ZNF831: variants seen among roughly 807,000 people sequenced by gnomAD.
ZNF831 encodes chromosome 20 open reading frame 174.
Under a neutral mutation model 95.8 loss-of-function variants are expected in ZNF831, and 59 were observed. That is an observed-to-expected ratio of 0.62 (90% CI 0.50 to 0.77). The LOEUF is 0.77. ZNF831 is among the 30% of genes least tolerant of loss of function. The pLI is 0.00. For synonymous variants in ZNF831, 961 were observed against 925.5 expected (o/e 1.04, Z -0.70); for missense variants, 2,205 against 2,164.0 (o/e 1.02, Z -0.38).
At chr20:59,128,588 T>C (rs936850915) in intron 1 of ZNF831, among the ~76,000 whole-genome samples, 1 of 152,166 alleles carries the variant, frequency 6.6e-6, no homozygotes, top group Non-Finnish European at 1.5e-5. Flanking sequence ...GCAGACCACG[T>C]TGGCCCTTGC....
At chr20:59,221,660 T>C (rs1986081876) in intron 4 of ZNF831, among the ~76,000 whole-genome samples, 1 of 152,228 alleles carries the variant, frequency 6.6e-6, no homozygotes, top group African/African-American at 2.4e-5. Flanking sequence ...AGTTCATACG[T>C]TGAGGAAAAG....
At position 59,193,278 on chromosome 20, in the gene ZNF831, G is replaced by A. The variant is rs1479149663; in HGVS notation, c.2259G>A (p.Gly753=). 1 of 1,610,334 alleles carries A rather than the reference G, an allele frequency of 6.2e-7. No homozygotes were observed. Among genetic ancestry groups the A allele is most frequent in the Non-Finnish European group, 8.5e-7 (1 of 1,178,378 alleles). ...GGAGCCCCCTGGTCTCTCCAAATGG[G>A]AGGCTGGAACTGGGGTGGCAGATGC... ...GSRSPLVSPN[G]RLELGWQMPP... The change falls in exon 2 of 6, where the codon GGG becomes GGA. Residue 753 remains glycine (G), a synonymous_variant. Coordinates refer to ENST00000371030, the MANE Select transcript of ZNF831 (RefSeq NM_178457.3).
chr20:59,253,249 T>G, intron 5 of ZNF831, 111 bp downstream of exon 5: 3 of 1,205,244 alleles, frequency 2.5e-6, no homozygotes, highest in Non-Finnish European at 3.5e-6. Flanking sequence ...GATCACCTTA[T>G]GAAGATTCGT....
At chr20:59,198,603 A>G (rs562791856) in intron 3 of ZNF831, among the ~76,000 whole-genome samples, 32 of 152,294 alleles carry the variant, frequency 2.1e-4, no homozygotes, top group Non-Finnish European at 3.7e-4. Flanking sequence ...ACAAATCACG[A>G]CAAGAGCCCA....
chr20:59,130,892 A>G (rs376483091), intron 1 of ZNF831, among the ~76,000 whole-genome samples: 4 of 152,092 alleles, frequency 2.6e-5, no homozygotes, highest in South Asian at 2.1e-4. Context: ...GACTTTGACA[A>G]TGGCTGAGCT....
intron 1 of ZNF831, among the ~76,000 whole-genome samples, chr20:59,134,665 G>T (rs1311520098): frequency 6.6e-6 from 1 of 152,182 alleles, no homozygotes; most frequent in Non-Finnish European, 1.5e-5. Flanking sequence ...GTTCTCACAT[G>T]CTTGGCTCCC....
At chr20:59,134,810 C>T (rs574138739) in intron 1 of ZNF831, among the ~76,000 whole-genome samples, 3 of 152,278 alleles carry the variant, frequency 2.0e-5, no homozygotes, top group African/African-American at 4.8e-5. Flanking sequence ...TCTTACTAAC[C>T]GTACAATCTT....
In ZNF831 at chr20:59,182,290, A is replaced by G. The variant is rs547592390; in HGVS notation, c.-36-8694A>G. On this transcript the variant is annotated intron_variant, in intron 1 of 5. Coordinates refer to ENST00000371030, the MANE Select transcript of ZNF831 (RefSeq NM_178457.3). ...AAGGTAATACTGATGGGCTTGGGAA[A>G]AAGAAAAAGAGAAAATTAGCTGAAT... Among the ~76,000 whole-genome samples, 9 of 152,342 alleles carry G rather than the reference A, an allele frequency of 5.9e-5. No individual in the cohort carries two copies. The East Asian group carries it at 1.7e-3, about 29-fold the overall frequency.
At chr20:59,240,416 G>T (rs1177821156) in intron 4 of ZNF831, among the ~76,000 whole-genome samples, 1 of 152,130 alleles carries the variant, frequency 6.6e-6, no homozygotes, top group Non-Finnish European at 1.5e-5. Flanking sequence ...CTCAAAAATG[G>T]ACTTTCTAGG....
At chr20:59,134,320 G>C (rs6026716) in intron 1 of ZNF831, among the ~76,000 whole-genome samples, 49,135 of 152,054 alleles carry the variant, frequency 0.32, 8,919 homozygotes, top group East Asian at 0.48. Context: ...CTTGTCTCTT[G>C]TCTGTATTTC....
intron 4 of ZNF831, among the ~76,000 whole-genome samples, chr20:59,220,010 G>C (rs1454453712): frequency 6.6e-6 from 1 of 152,150 alleles, no homozygotes; most frequent in Non-Finnish European, 1.5e-5. Context: ...AGTTGAGAGA[G>C]AGAAAAGAGG....
rs2146769073 is a variant in ZNF831 at position 59,254,403 on chromosome 20, C to T, written c.4694C>T (p.Thr1565Ile). 6.2e-7 allele frequency: 1 copy of T among 1,614,172 alleles called. No individual in the cohort carries two copies. The highest frequency in any genetic ancestry group is 1.3e-5 in the African/African-American group (1 of 75,052). Residue 1565 changes from threonine (T) to isoleucine (I), a missense_variant, in exon 6 of 6, where the codon ACT (threonine) becomes ATT (isoleucine). Coordinates refer to ENST00000371030, the MANE Select transcript of ZNF831 (RefSeq NM_178457.3). This position sits in a 1 kb window ranked among gnomAD's most constrained non-coding sequence, Gnocchi z 4.5. ...DSVPLESTEKTHLEIPASGPS... is the reference protein window; with the variant it reads ...DSVPLESTEKIHLEIPASGPS... ...GTTCCACTGGAGTCAACTGAAAAAA[C>T]TCATCTTGAAATACCAGCTTCAGGA...
intron 4 of ZNF831, among the ~76,000 whole-genome samples, chr20:59,241,658 T>C (rs941624431): frequency 1.8e-4 from 28 of 152,364 alleles, no homozygotes; most frequent in African/African-American, 6.5e-4. Context: ...TTGGGCAATG[T>C]TTATTTCTTT....
chr20:59,188,461 A>G (rs1983239709), intron 1 of ZNF831, among the ~76,000 whole-genome samples: 1 of 152,172 alleles, frequency 6.6e-6, no homozygotes. Context: ...GAGAAAAAAA[A>G]TCTATTCAAG....
At chr20:59,145,968 TTTTG>T (rs1320920129) in intron 1 of ZNF831, among the ~76,000 whole-genome samples, 8 of 151,952 alleles carry the variant, frequency 5.3e-5, no homozygotes, top group African/African-American at 1.9e-4. Context: ...TACCGGATGG[TTTTG>T]TTTTTTTATC....
chr20:59,194,787 G>T (rs1983963107), intron 2 of ZNF831, 30 bp downstream of exon 2: 1 of 1,525,712 alleles, frequency 6.6e-7, no homozygotes, highest in African/African-American at 1.4e-5. Flanking sequence ...CAGGGCCCGG[G>T]GTTGAGAGAG....
upstream of ZNF831, among the ~76,000 whole-genome samples, chr20:59,161,252 A>G (rs551081974): frequency 6.6e-6 from 1 of 151,980 alleles, no homozygotes; most frequent in African/African-American, 2.4e-5. Context: ...AACCCCATAC[A>G]TTACAGTCAC....
intron 1 of ZNF831, among the ~76,000 whole-genome samples, chr20:59,141,042 G>T (rs1979662216): frequency 6.6e-6 from 1 of 152,074 alleles, no homozygotes; most frequent in African/African-American, 2.4e-5. Context: ...TAGGATTATA[G>T]GTGCGCACCA....
chr20:59,240,199 G>A (rs1314488557), intron 4 of ZNF831, among the ~76,000 whole-genome samples: 6 of 145,604 alleles, frequency 4.1e-5, no homozygotes, highest in African/African-American at 1.5e-4. Flanking sequence ...CCCCTCCTGC[G>A]GCATTCTCCA....
Sources: allele counts gnomAD v4.1 joint callset (sites outside exome capture counted in the v4.1 genomes callset), GRCh38; gene constraint gnomAD v4.1.1; non-coding constraint Gnocchi (gnomAD v3.1); transcripts MANE v1.5; gene names NCBI Gene and HGNC (gene_info 2026-07-23, HGNC 2026-07-21).